The following NLRP1 variants were observed in gnomAD, a reference collection of about 807,000 sequenced individuals.
NLRP1 encodes the protein NLR family pyrin domain containing 1, also known as NACHT, LRR and PYD domains-containing protein 1.
Under a neutral mutation model 136.7 loss-of-function variants are expected in NLRP1, and 94 were observed. That is an observed-to-expected ratio of 0.69 (90% CI 0.58 to 0.82). The LOEUF (loss-of-function observed/expected upper bound fraction) is 0.82. Ranked by LOEUF, NLRP1 falls within the 40% of genes least tolerant of loss-of-function variation. The pLI, the probability that NLRP1 is intolerant of heterozygous loss-of-function variation, is 0.00. For missense variants in NLRP1, 1,575 were observed against 1,802.7 expected (o/e 0.87, Z 2.29); for synonymous variants, 690 against 725.1 (o/e 0.95, Z 0.78).
intron 3 of NLRP1, among the ~76,000 whole-genome samples, chr17:5,581,502 G>A (rs938914261): frequency 6.6e-6 from 1 of 152,196 alleles, no homozygotes; most frequent in East Asian, 1.9e-4. Context: ...GGGACTAGCT[G>A]TAGGCCACTT....
chr17:5,568,555 G>T (rs1915555906), intron 3 of NLRP1, among the ~76,000 whole-genome samples: 1 of 152,108 alleles, frequency 6.6e-6, no homozygotes, highest in East Asian at 1.9e-4. Flanking sequence ...CTCCAGAATT[G>T]GTCCCTGATG....
chr17:5,526,340 G>A (rs1236743195), intron 12 of NLRP1, among the ~76,000 whole-genome samples: 1 of 152,116 alleles, frequency 6.6e-6, no homozygotes, highest in Non-Finnish European at 1.5e-5. Context: ...ATTGTTATAC[G>A]ATTCAGTAAG....
In NLRP1 at chr17:5,541,552, C is replaced by T. The variant is rs139847609; in HGVS notation, c.2699+305G>A. On this transcript the variant is annotated intron_variant, in intron 6 of 16. Coordinates refer to ENST00000572272, the MANE Select transcript of NLRP1 (RefSeq NM_033004.4). This position sits in a 1 kb window ranked among gnomAD's most constrained non-coding sequence, Gnocchi z 4.2. Reference sequence around the variant, plus strand: ...TCCTCATAGCTCTATGAAGTGGGCACGATTATCATCATCCTCTGTGGTAGT... The same window carrying T: ...TCCTCATAGCTCTATGAAGTGGGCATGATTATCATCATCCTCTGTGGTAGT... Among the ~76,000 whole-genome samples, 370 of 152,260 alleles carry T rather than the reference C, an allele frequency of 2.4e-3. 1 individual carries two copies. Among genetic ancestry groups the T allele is most frequent in the African/African-American group, 7.3e-3 (302 of 41,556 alleles).
At chr17:5,570,258 C>T (rs1284198337) in intron 3 of NLRP1, among the ~76,000 whole-genome samples, 3 of 151,914 alleles carry the variant, frequency 2.0e-5, no homozygotes, top group Non-Finnish European at 4.4e-5. Context: ...TAACCAAAAT[C>T]AGAGCTGAAC....
In NLRP1 at chr17:5,515,020, G is replaced by A. The variant is rs868641158; in HGVS notation, c.4156C>T (p.Arg1386Ter). The A allele has an allele frequency of 6.2e-7, 1 of 1,614,194 alleles. No homozygotes were observed. Among genetic ancestry groups the A allele is most frequent in the Non-Finnish European group, 8.5e-7 (1 of 1,180,040 alleles). The change falls in exon 17 of 17, where the codon CGA (arginine) becomes TGA (stop). Residue 1386 changes from arginine (R) to a stop codon, truncating the protein, a stop_gained. Coordinates refer to ENST00000572272, the MANE Select transcript of NLRP1 (RefSeq NM_033004.4). LOFTEE classifies it low-confidence loss of function (END_TRUNC). The stretch of plus-strand genomic sequence containing the variant: ...GTCACTCGGGCTATCAGCTGCTCTC[G>A]ATACTGGTCCACAAAGTGCAGCAAC... ...PQLLHFVDQY[R>*]EQLIARVTSV...
At chr17:5,576,651 A>G (rs1905046029) in intron 3 of NLRP1, among the ~76,000 whole-genome samples, 1 of 152,200 alleles carries the variant, frequency 6.6e-6, no homozygotes, top group Non-Finnish European at 1.5e-5. Context: ...ACCAATCCAG[A>G]CGGATTCACA....
At position 5,559,103 on chromosome 17, in the gene NLRP1, C is replaced by T. The variant is rs1268713181; in HGVS notation, c.1593G>A (p.Met531Ile). The change falls in exon 4 of 17, where the codon ATG becomes ATA. Residue 531 changes from methionine (M) to isoleucine (I), a missense_variant. Transcript: ENST00000572272. ...GTTTTTCCTTCCGCTTCATCTGCTG[C>T]ATCAGGCAAGTGCAGGCCAGCCAGG... ...WVSWLACTCL[M>I]QQMKRKEKLT... 2 of 1,614,088 alleles carry T rather than the reference C, an allele frequency of 1.2e-6. No homozygotes were observed. The highest frequency in any genetic ancestry group is 2.7e-5 in the African/African-American group (2 of 74,936).
At chr17:5,526,151 A>T (rs569808320) in intron 12 of NLRP1, among the ~76,000 whole-genome samples, 84 of 151,662 alleles carry the variant, frequency 5.5e-4, no homozygotes, top group African/African-American at 1.9e-3. Context: ...ATTCTTCAAT[A>T]TTTTTTTGTG....
Position 5,514,619 on chromosome 17 carries a change from G to A in NLRP1, c.*135C>T. 3 of 1,477,444 alleles carry A rather than the reference G, an allele frequency of 2.0e-6. No individual in the cohort carries two copies. Among genetic ancestry groups the A allele is most frequent in the Non-Finnish European group, 2.7e-6 (3 of 1,112,748 alleles). 91.5% of individuals were successfully genotyped at this position (1,477,444 alleles called of 1,614,324 possible). A position where few individuals can be genotyped will look rare whatever the true frequency, so the allele number is the denominator to read the frequency against. ...GCATGGACACATAATGCCCAGCAAAGGCATCATCAAAGTTCCATTACTTTA... is the reference window on the plus strand; with the variant it reads ...GCATGGACACATAATGCCCAGCAAAAGCATCATCAAAGTTCCATTACTTTA... On this transcript the variant is annotated 3_prime_UTR_variant, in exon 17 of 17. Transcript: ENST00000572272.
intron 15 of NLRP1, 141 bp from the exon 16 acceptor site, chr17:5,515,658 T>G: frequency 1.4e-6 from 1 of 715,692 alleles, no homozygotes; most frequent in East Asian, 2.8e-5. Flanking sequence ...GAATCTGGAG[T>G]AAGAGCTGGA....
At chr17:5,546,910 G>C (rs1024989495) in intron 5 of NLRP1, among the ~76,000 whole-genome samples, 1 of 152,140 alleles carries the variant, frequency 6.6e-6, no homozygotes, top group Non-Finnish European at 1.5e-5. Flanking sequence ...ACATTTGCCT[G>C]ATCCAGATTT....
Position 5,583,638 on chromosome 17 carries a change from T to C in NLRP1, c.271+49A>G. 1 of 1,523,894 alleles carries C rather than the reference T, an allele frequency of 6.6e-7. No individual in the cohort carries two copies. The highest frequency in any genetic ancestry group is 1.4e-5 in the African/African-American group (1 of 72,586). The allele number at this position is 1,523,894 out of a possible 1,614,324, so 94.4% of individuals were successfully genotyped here. A position where few individuals can be genotyped will look rare whatever the true frequency, so the allele number is the denominator to read the frequency against. ...GGGTCCCAAGAGGGCAGGGCAGGCA[T>C]GAGGGCCAGGGGATGTCCCGCGGGC... On this transcript the variant is annotated intron_variant, in intron 1 of 16. Transcript: ENST00000572272. This position sits in a 1 kb window ranked among gnomAD's most constrained non-coding sequence, Gnocchi z 4.5.
intron 12 of NLRP1, among the ~76,000 whole-genome samples, chr17:5,526,187 A>G (rs1033568446): frequency 1.3e-5 from 2 of 152,110 alleles, no homozygotes; most frequent in Non-Finnish European, 2.9e-5. Flanking sequence ...TATGTTGCCC[A>G]GGCTTGTCTC....
At chr17:5,506,843 A>G (rs545606098) in intron 15 of NLRP1, among the ~76,000 whole-genome samples, 1 of 149,400 alleles carries the variant, frequency 6.7e-6, no homozygotes, top group South Asian at 2.1e-4. Flanking sequence ...TGGAGGTTGC[A>G]GTAAGCTGAG....
chr17:5,538,081 G>A (rs1043677330), intron 7 of NLRP1, among the ~76,000 whole-genome samples: 11 of 152,194 alleles, frequency 7.2e-5, no homozygotes, highest in Admixed American at 5.2e-4. Context: ...AGGAAAGCCC[G>A]AGGCCCAGGC....
At chr17:5,508,914 G>A (rs1333648455) in intron 15 of NLRP1, among the ~76,000 whole-genome samples, 1 of 152,174 alleles carries the variant, frequency 6.6e-6, no homozygotes, top group Non-Finnish European at 1.5e-5. Flanking sequence ...GTGCACCATG[G>A]TTATATTAGT....
Position 5,559,214 on chromosome 17 carries a change from GA to G in NLRP1, c.1481del (p.Phe494SerfsTer37). On this transcript the variant is annotated frameshift_variant, in exon 4 of 17. Transcript: ENST00000572272. LOFTEE classifies it high-confidence loss of function. ...SSRKEYFYRY[F>X]TDERQAIRAF... ...CTCTAATTGCTTGCCTTTCATCTGT[GA>G]AATATCTGTAGAAATATTCCTTCCT... 6.2e-7 allele frequency: 1 copy of G among 1,614,176 alleles called. No individual in the cohort carries two copies. The highest frequency in any genetic ancestry group is 2.2e-5 in the East Asian group (1 of 44,878).
rs1176045085 is a variant in NLRP1 at position 5,537,896 on chromosome 17, T to C, written c.2871-956A>G. ...CTCTTCAGCATAAGGGAGGTAGTGA[T>C]AGCCAAAAATACTCAGTGGGGAGCA... is the stretch of plus-strand genomic sequence containing the variant. On this transcript the variant is annotated intron_variant, in intron 7 of 16. Transcript: ENST00000572272. This position sits in a 1 kb window ranked among gnomAD's most constrained non-coding sequence, Gnocchi z 4.5. 6.6e-6 allele frequency among the ~76,000 whole-genome samples: 1 copy of C among 152,210 alleles called. No individual in the cohort carries two copies. Among genetic ancestry groups the C allele is most frequent in the Non-Finnish European group, 1.5e-5 (1 of 68,032 alleles).
At chr17:5,551,549 T>C (rs962229461) in intron 5 of NLRP1, among the ~76,000 whole-genome samples, 1 of 152,230 alleles carries the variant, frequency 6.6e-6, no homozygotes, top group African/African-American at 2.4e-5. Context: ...TATCAAGGAA[T>C]GCGATTGCTG....
Sources: allele counts gnomAD v4.1 joint callset (sites outside exome capture counted in the v4.1 genomes callset), GRCh38; gene constraint gnomAD v4.1.1; non-coding constraint Gnocchi (gnomAD v3.1); transcripts MANE v1.5; gene names NCBI Gene and HGNC (gene_info 2026-07-23, HGNC 2026-07-21).